Variants in INSYN2A observed in about 807,000 individuals in gnomAD.
INSYN2A encodes inhibitory synaptic factor 2A.
A neutral mutation model predicts 39.4 loss-of-function variants in INSYN2A; 17 were observed. That is an observed-to-expected ratio of 0.43 (90% CI 0.30 to 0.65). The LOEUF (loss-of-function observed/expected upper bound fraction) is 0.65, where lower values mean the gene tolerates loss of function less well. Ranked by LOEUF, INSYN2A falls within the 30% of genes least tolerant of loss-of-function variation. The pLI, the probability that INSYN2A is intolerant of heterozygous loss-of-function variation, is 0.14. For synonymous variants in INSYN2A, 255 were observed against 265.7 expected (o/e 0.96, Z 0.39); for missense variants, 595 against 631.2 (o/e 0.94, Z 0.61).
chr10:127,162,555 G>A (rs1379086262), intron 4 of INSYN2A, among the ~76,000 whole-genome samples: 1 of 152,020 alleles, frequency 6.6e-6, no homozygotes, highest in Non-Finnish European at 1.5e-5. Context: ...TCCATGGTAG[G>A]GCAAAGTTCT....
intron 4 of INSYN2A, among the ~76,000 whole-genome samples, chr10:127,157,150 C>A (rs2053163108): frequency 6.6e-6 from 1 of 152,172 alleles, no homozygotes; most frequent in Admixed American, 6.5e-5. Flanking sequence ...TGTTGTGAAG[C>A]AGTATTTTGG....
intron 2 of INSYN2A, among the ~76,000 whole-genome samples, chr10:127,191,197 T>C (rs1471752250): frequency 6.6e-6 from 1 of 152,122 alleles, no homozygotes; most frequent in Non-Finnish European, 1.5e-5. Context: ...GGGGCATCAC[T>C]CTCTGCCTGT....
chr10:127,137,514 A>C lies in INSYN2A; in HGVS notation c.*323T>G. The stretch of plus-strand genomic sequence containing the variant: ...GCTGTGTACAGGGTGACAGCCTGCC[A>C]TCTCGCAGGTTGATAATGTATTACT... On this transcript the variant is annotated 3_prime_UTR_variant, in exon 6 of 6. Transcript: ENST00000522781. 4.1e-6 allele frequency: 1 copy of C among 243,388 alleles called. No individual in the cohort carries two copies. Among genetic ancestry groups the C allele is most frequent in the East Asian group, 8.5e-5 (1 of 11,728 alleles). 15.1% of individuals were successfully genotyped at this position (243,388 alleles called of 1,614,324 possible). A position where few individuals can be genotyped will look rare whatever the true frequency, so the allele number is the denominator to read the frequency against.
chr10:127,166,820 C>G (rs531469204), intron 4 of INSYN2A, among the ~76,000 whole-genome samples: 1 of 151,846 alleles, frequency 6.6e-6, no homozygotes, highest in African/African-American at 2.4e-5. Context: ...CCATAAATTC[C>G]ATAAATGTTC....
intron 2 of INSYN2A, among the ~76,000 whole-genome samples, chr10:127,181,471 G>A (rs953697429): frequency 6.6e-6 from 1 of 152,192 alleles, no homozygotes; most frequent in African/African-American, 2.4e-5. Flanking sequence ...GCAGCTGCCA[G>A]TCTGACCGAG....
chr10:127,175,642 C>T lies in INSYN2A; in HGVS notation c.754G>A (p.Glu252Lys). Residue 252 changes from glutamate to lysine, a missense_variant, in exon 4 of 6, where the codon GAG (glutamate) becomes AAG (lysine). This residue lies in a region of INSYN2A where 478 missense variants were observed against 467.4 expected (regional missense o/e 1.02). Transcript: ENST00000522781. This position sits in a 1 kb window ranked among gnomAD's most constrained non-coding sequence, Gnocchi z 6.3. Reference sequence around the variant, plus strand: ...GCAGGTGCGTAAACGGTGGCAACCTCCGTTTTAAACACCCTCCTGAGGGCA... The same window carrying T: ...GCAGGTGCGTAAACGGTGGCAACCTTCGTTTTAAACACCCTCCTGAGGGCA... ...PPALRRVFKT[E>K]VATVYAPALS... 1.2e-6 allele frequency: 2 copies of T among 1,613,314 alleles called. No homozygotes were observed. The highest frequency in any genetic ancestry group is 1.7e-6 in the Non-Finnish European group (2 of 1,179,926).
chr10:127,183,143 A>C (rs1380474841), intron 2 of INSYN2A, among the ~76,000 whole-genome samples: 3 of 143,930 alleles, frequency 2.1e-5, no homozygotes, highest in East Asian at 4.2e-4. Flanking sequence ...AACTAAAACT[A>C]GGACATTGAT....
chr10:127,185,506 T>C (rs797010830), intron 2 of INSYN2A, among the ~76,000 whole-genome samples: 27 of 152,250 alleles, frequency 1.8e-4, no homozygotes, highest in African/African-American at 6.3e-4. Context: ...AGCAAGAGAA[T>C]CTTAACACTA....
chr10:127,140,518 C>T (rs911025994), intron 5 of INSYN2A, among the ~76,000 whole-genome samples: 1 of 152,180 alleles, frequency 6.6e-6, no homozygotes. Flanking sequence ...GCCCGTGCAC[C>T]AGCCAGGCAA....
intron 4 of INSYN2A, among the ~76,000 whole-genome samples, chr10:127,169,035 A>G (rs940871804): frequency 2.6e-5 from 4 of 152,148 alleles, no homozygotes; most frequent in Admixed American, 1.3e-4. Flanking sequence ...TATCATTTCT[A>G]CCCATCTAGC....
At chr10:127,156,875 T>C (rs969432935) in intron 4 of INSYN2A, among the ~76,000 whole-genome samples, 6 of 152,184 alleles carry the variant, frequency 3.9e-5, no homozygotes, top group Admixed American at 2.6e-4. Context: ...GCCCGAGATA[T>C]TGCTCTTCTA....
intron 5 of INSYN2A, among the ~76,000 whole-genome samples, chr10:127,147,491 G>A (rs2051999304): frequency 6.6e-6 from 1 of 152,034 alleles, no homozygotes; most frequent in African/African-American, 2.4e-5. Context: ...TTGCACCTGT[G>A]GCTCTCACCT....
At chr10:127,156,282 C>T (rs2053038923) in intron 4 of INSYN2A, among the ~76,000 whole-genome samples, 1 of 152,144 alleles carries the variant, frequency 6.6e-6, no homozygotes, top group Non-Finnish European at 1.5e-5. Context: ...AGTCACACTT[C>T]AGGTCCAGGA....
At chr10:127,177,945 G>A (rs1388915353) in intron 2 of INSYN2A, among the ~76,000 whole-genome samples, 1 of 152,216 alleles carries the variant, frequency 6.6e-6, no homozygotes, top group Non-Finnish European at 1.5e-5. Flanking sequence ...GCAGGCAGGA[G>A]CAGGACCCTA....
chr10:127,141,276 C>T (rs1011333774), intron 5 of INSYN2A, among the ~76,000 whole-genome samples: 11 of 152,216 alleles, frequency 7.2e-5, no homozygotes, highest in Non-Finnish European at 1.5e-4. Context: ...TGCATCTTCT[C>T]GAATGCAGGC....
chr10:127,137,856 C>A lies in INSYN2A; in HGVS notation c.1421G>T (p.Trp474Leu), dbSNP rs1482207421. The A allele has an allele frequency of 6.2e-7, 1 of 1,613,838 alleles. No individual in the cohort carries two copies. The change falls in exon 6 of 6, where the codon TGG (tryptophan) becomes TTG (leucine). Residue 474 changes from tryptophan to leucine, a missense_variant. This residue lies in a region of INSYN2A where 117 missense variants were observed against 163.8 expected (regional missense o/e 0.71). Transcript: ENST00000522781. The part of the protein sequence containing the change: ...SKTESKKHGR[W>L]KLWFL The stretch of plus-strand genomic sequence containing the variant: ...TGAGTGTTAAAGGAACCAGAGTTTC[C>A]ATCTTCCGTGCTTTTTAGATTCAGT...
intron 4 of INSYN2A, among the ~76,000 whole-genome samples, chr10:127,159,698 T>C (rs1053040919): frequency 1.3e-5 from 2 of 152,114 alleles, no homozygotes; most frequent in Non-Finnish European, 2.9e-5. Context: ...TACGGACCGT[T>C]GGCAAAAGAG....
chr10:127,154,054 C>T (rs992278878), intron 4 of INSYN2A, 131 bp from the exon 5 acceptor site: 2 of 668,994 alleles, frequency 3.0e-6, no homozygotes, highest in Non-Finnish European at 5.4e-6. Context: ...TTAATGCATG[C>T]TTCCCAGTTT....
chr10:127,162,154 G>A (rs1286059917), intron 4 of INSYN2A, among the ~76,000 whole-genome samples: 1 of 152,176 alleles, frequency 6.6e-6, no homozygotes, highest in Non-Finnish European at 1.5e-5. Flanking sequence ...TGGTAAAGCT[G>A]ATCCCATTAG....
Sources: allele counts gnomAD v4.1 joint callset (sites outside exome capture counted in the v4.1 genomes callset), GRCh38; gene constraint gnomAD v4.1.1; regional missense constraint gnomAD v4.1.1; non-coding constraint Gnocchi (gnomAD v3.1); transcripts MANE v1.5; gene names NCBI Gene and HGNC (gene_info 2026-07-23, HGNC 2026-07-21).